ABCB1: variants seen among roughly 807,000 people sequenced by gnomAD.
ABCB1 encodes ATP-dependent translocase ABCB1.
ABCB1 carries 69 observed loss-of-function variants against 142.0 expected under a neutral mutation model. The observed-to-expected ratio is 0.49, with a 90% CI of 0.40 to 0.59. ABCB1 has a LOEUF of 0.59. Ranked by LOEUF, ABCB1 falls within the 20% of genes least tolerant of loss-of-function variation. The pLI is 0.00. For missense variants in ABCB1, 1,326 were observed against 1,554.7 expected, an observed-to-expected ratio of 0.85 and a Z score of 2.47; for synonymous variants, 532 against 539.2, an observed-to-expected ratio of 0.99 and a Z score of 0.18.
chr7:87,621,243 C>T (rs564359864), intron 1 of ABCB1, among the ~76,000 whole-genome samples: 155 of 152,070 alleles, frequency 1.0e-3, no homozygotes, highest in African/African-American at 3.3e-3. Context: ...ACTAACCTTA[C>T]GAGATGTTAA....
intron 3 of ABCB1, 116 bp from the exon 4 acceptor site, chr7:87,585,796 C>T (rs2129927418): frequency 9.6e-7 from 1 of 1,045,452 alleles, no homozygotes; most frequent in African/African-American, 1.6e-5. Context: ...CTACTGATAC[C>T]AACCTAGTCC....
At chr7:87,534,592 C>T (rs950442879) in intron 20 of ABCB1, among the ~76,000 whole-genome samples, 1 of 152,104 alleles carries the variant, frequency 6.6e-6, no homozygotes, top group African/African-American at 2.4e-5. Flanking sequence ...CCCAAGCCTG[C>T]TTCTCCAACA....
At chr7:87,650,845 A>C in intron 1 of ABCB1, 1 of 1,609,564 alleles carries the variant, frequency 6.2e-7, no homozygotes, top group Non-Finnish European at 8.5e-7. Context: ...ACCCTGATTG[A>C]TCGGTCTTGC....
rs34350171 is a variant in ABCB1 at position 87,536,450 on chromosome 7, G to C, written c.2481+8C>G. On this transcript the variant is annotated splice_region_variant and intron_variant, in intron 20 of 27. Coordinates refer to ENST00000622132, the MANE Select transcript of ABCB1 (RefSeq NM_001348946.2). The stretch of plus-strand genomic sequence containing the variant: ...TAAGACAAACACCAGTAGAAAGGAG[G>C]CACGTACCCCTTTAACTTGAGCAGC... The C allele has an allele frequency of 9.3e-5, 150 of 1,613,532 alleles. No individual in the cohort carries two copies. In the African/African-American group the frequency reaches 1.9e-3, roughly 21 times the overall value.
At chr7:87,581,611 C>T (rs1313554219) in intron 4 of ABCB1, among the ~76,000 whole-genome samples, 1 of 152,150 alleles carries the variant, frequency 6.6e-6, no homozygotes, top group Non-Finnish European at 1.5e-5. Context: ...CACAGTAAAA[C>T]AGCAGAACAA....
At chr7:87,547,582 G>A (rs1816840432) in intron 14 of ABCB1, among the ~76,000 whole-genome samples, 1 of 151,634 alleles carries the variant, frequency 6.6e-6, no homozygotes, top group African/African-American at 2.4e-5. Context: ...TCAAAAAATA[G>A]CTGGGGGCTG....
At chr7:87,571,196 T>C (rs182508294) in intron 4 of ABCB1, among the ~76,000 whole-genome samples, 24 of 152,262 alleles carry the variant, frequency 1.6e-4, no homozygotes, top group Non-Finnish European at 2.8e-4. Context: ...AAGTGAACAA[T>C]ATGGACAAAA....
In ABCB1 at chr7:87,668,567, T is replaced by C. The variant is rs181484251; in HGVS notation, c.-331+44594A>G. On this transcript the variant is annotated intron_variant, in intron 1 of 28. Transcript: ENST00000265724. The stretch of plus-strand genomic sequence containing the variant: ...TGCCTAATTCTTTCAGTTGTGAAGG[T>C]AGGTTGTTAATTTGAGATCTCTCTA... Among the ~76,000 whole-genome samples, 3 of 152,194 alleles carry C rather than the reference T, an allele frequency of 2.0e-5. No individual in the cohort carries two copies. The East Asian group carries it at 5.8e-4, about 29-fold the overall frequency.
At position 87,626,193 on chromosome 7, in the gene ABCB1, T is replaced by C. The variant is rs571839022; in HGVS notation, c.-330-25115A>G. ...TATATATTGTCATATATATGTGTCA[T>C]ATATATGTCATATATATGTGTCATA... On this transcript the variant is annotated intron_variant, in intron 1 of 28. Transcript: ENST00000265724. 2.4e-3 allele frequency among the ~76,000 whole-genome samples: 257 copies of C among 108,294 alleles called. 25 individuals carry two copies. Among genetic ancestry groups the C allele is most frequent in the African/African-American group, 1.0e-2 (240 of 24,006 alleles). 71.0% of individuals were successfully genotyped at this position (108,294 alleles called of 152,430 possible). A position where few individuals can be genotyped will look rare whatever the true frequency, so the allele number is the denominator to read the frequency against.
At position 87,504,531 on chromosome 7, in the gene ABCB1, G is replaced by A. The variant is rs2235050; in HGVS notation, c.3637-82C>T. 970 of 1,554,894 alleles carry A rather than the reference G, an allele frequency of 6.2e-4. 6 individuals carry two copies. In the African/African-American group the frequency reaches 0.011, roughly 18 times the overall value. ...TCCATAAAAAGCTCCACAGTAGGAC[G>A]GGCATGGTGGCTCACGCCTGTAATC... On this transcript the variant is annotated intron_variant, in intron 27 of 27. Transcript: ENST00000622132.
chr7:87,522,238 A>T, intron 21 of ABCB1: 1 of 1,064,942 alleles, frequency 9.4e-7, no homozygotes, highest in South Asian at 1.2e-5. Flanking sequence ...TGGTGTAATG[A>T]TTTTGGCAAT....
At chr7:87,513,505 G>A (rs1815106794) in intron 25 of ABCB1, among the ~76,000 whole-genome samples, 1 of 152,044 alleles carries the variant, frequency 6.6e-6, no homozygotes, top group Non-Finnish European at 1.5e-5. Flanking sequence ...TTTTCCCACT[G>A]GAAAGTGACT....
intron 1 of ABCB1, among the ~76,000 whole-genome samples, chr7:87,703,453 C>T (rs1829267584): frequency 6.6e-6 from 1 of 152,088 alleles, no homozygotes; most frequent in Non-Finnish European, 1.5e-5. Flanking sequence ...CAGTTAATAG[C>T]TATGATTTTT....
At chr7:87,675,095 C>T (rs932574695) in intron 1 of ABCB1, among the ~76,000 whole-genome samples, 3 of 152,300 alleles carry the variant, frequency 2.0e-5, no homozygotes, top group Middle Eastern at 3.4e-3. Flanking sequence ...GAGAGCGGGC[C>T]GCTCCTCACT....
At chr7:87,614,862 G>A (rs950811979) in intron 1 of ABCB1, among the ~76,000 whole-genome samples, 1 of 151,482 alleles carries the variant, frequency 6.6e-6, no homozygotes, top group Non-Finnish European at 1.5e-5. Context: ...GGGGGGGGCC[G>A]GGGAACGGAG....
chr7:87,694,438 C>T (rs1370687971), intron 1 of ABCB1, among the ~76,000 whole-genome samples: 2 of 152,120 alleles, frequency 1.3e-5, no homozygotes, highest in African/African-American at 4.8e-5. Context: ...CACTGCTGGA[C>T]CTTTGTACTT....
At chr7:87,606,883 A>T (rs538068108) in intron 1 of ABCB1, among the ~76,000 whole-genome samples, 7 of 152,270 alleles carry the variant, frequency 4.6e-5, no homozygotes, top group African/African-American at 7.2e-5. Context: ...AATCCTGGTT[A>T]TTAGTATCTA....
intron 9 of ABCB1, among the ~76,000 whole-genome samples, chr7:87,552,424 A>G (rs560698113): frequency 3.9e-5 from 6 of 152,214 alleles, no homozygotes; most frequent in African/African-American, 7.2e-5. Flanking sequence ...AGGCTTGAAA[A>G]GTTTAGCTGG....
At chr7:87,631,167 A>G (rs1821174264) in intron 1 of ABCB1, among the ~76,000 whole-genome samples, 1 of 152,192 alleles carries the variant, frequency 6.6e-6, no homozygotes, top group African/African-American at 2.4e-5. Context: ...GTGCATGTAA[A>G]TTATCCATGT....
Sources: allele counts gnomAD v4.1 joint callset (sites outside exome capture counted in the v4.1 genomes callset), GRCh38; gene constraint gnomAD v4.1.1; transcripts MANE v1.5; gene names NCBI Gene and HGNC (gene_info 2026-07-23, HGNC 2026-07-21).